Variants in PCDHGA8 observed in about 807,000 individuals in gnomAD.
PCDHGA8 encodes protocadherin gamma-A8.
In PCDHGA8, 45 loss-of-function variants were observed where a neutral mutation model predicts 59.2. The ratio of observed to expected loss-of-function variants is 0.76; its 90% CI spans 0.60 to 0.98. The LOEUF (loss-of-function observed/expected upper bound fraction) is 0.98, where lower values mean the gene tolerates loss of function less well. Ranked by LOEUF, PCDHGA8 falls within the 50% of genes least tolerant of loss-of-function variation. The pLI, the probability that PCDHGA8 is intolerant of heterozygous loss-of-function variation, is 0.00. For synonymous variants in PCDHGA8, 531 were observed against 519.0 expected, an observed-to-expected ratio of 1.02 and a Z score of -0.32; for missense variants, 1,257 against 1,196.2, an observed-to-expected ratio of 1.05 and a Z score of -0.75.
At chr5:141,496,808 G>A (rs1387209844) in intron 2 of PCDHGA8, among the ~76,000 whole-genome samples, 3 of 151,736 alleles carry the variant, frequency 2.0e-5, no homozygotes, top group South Asian at 4.2e-4. Flanking sequence ...GGCTATAGGA[G>A]TGAACAAGTA....
rs1001412632 is a variant in PCDHGA8, at chr5:141,493,097, A to G, written c.2425-1710A>G. On this transcript the variant is annotated intron_variant, in intron 1 of 3. Transcript: ENST00000398604. The surrounding 1 kb of genome is among the most constrained non-coding windows in gnomAD (Gnocchi z 4.3). ...AACTCCAGGAGCTTTTATTCAAAAT[A>G]TATCAATGCCTAACTCTGCTCCTAG... Among the ~76,000 whole-genome samples, 1 of 152,224 alleles carries G rather than the reference A, an allele frequency of 6.6e-6. No homozygotes were observed. The highest frequency in any genetic ancestry group is 2.4e-5 in the African/African-American group (1 of 41,456).
At chr5:141,427,450 CT>C in intron 1 of PCDHGA8, 1 of 486,442 alleles carries the variant, frequency 2.1e-6, no homozygotes, top group South Asian at 1.5e-5. Flanking sequence ...GAAAGAGTTC[CT>C]TTTAGAATCG....
intron 1 of PCDHGA8, among the ~76,000 whole-genome samples, chr5:141,479,789 T>C (rs888217885): frequency 3.3e-5 from 5 of 152,196 alleles, no homozygotes; most frequent in Non-Finnish European, 2.9e-5. Flanking sequence ...AAAGCATTCA[T>C]TAATTCAGGG....
Position 141,490,637 on chromosome 5 carries a change from A to C in PCDHGA8, c.2425-4170A>C. ...CTTTACACTGCTTACATCCTAGAAA[A>C]CCGGCCTCCGGGCTCCCTTCTTTGC... is the stretch of plus-strand genomic sequence containing the variant. On this transcript the variant is annotated intron_variant, in intron 1 of 3. Coordinates refer to ENST00000398604, the MANE Select transcript of PCDHGA8 (RefSeq NM_032088.2). This position sits in a 1 kb window ranked among gnomAD's most constrained non-coding sequence, Gnocchi z 5.4. 1 of 1,614,108 alleles carries C rather than the reference A, an allele frequency of 6.2e-7. No individual in the cohort carries two copies. Among genetic ancestry groups the C allele is most frequent in the Non-Finnish European group, 8.5e-7 (1 of 1,179,992 alleles).
At chr5:141,404,192 A>G in intron 1 of PCDHGA8, 1 of 1,613,574 alleles carries the variant, frequency 6.2e-7, no homozygotes. Flanking sequence ...TGACCGAGAA[A>G]AAGCCTCAGA....
In PCDHGA8 at chr5:141,420,182, C is replaced by G. The variant is rs375716662; in HGVS notation, c.2424+24945C>G. The G allele has an allele frequency of 3.7e-6, 6 of 1,613,694 alleles. No individual in the cohort carries two copies. In the African/African-American group the frequency reaches 8.0e-5, roughly 22 times the overall value. Reference sequence around the variant, plus strand: ...TTTTTTCACATCTGTTGATCATTGTCCAGCCACACAAGATAACCTCAACAA... The same window carrying G: ...TTTTTTCACATCTGTTGATCATTGTGCAGCCACACAAGATAACCTCAACAA... On this transcript the variant is annotated intron_variant, in intron 1 of 3. Transcript: ENST00000398604.
chr5:141,403,419 A>G, intron 1 of PCDHGA8: 1 of 1,614,050 alleles, frequency 6.2e-7, no homozygotes, highest in Non-Finnish European at 8.5e-7. Context: ...CCACTTCCAG[A>G]AGCTATTGAT....
intron 1 of PCDHGA8, chr5:141,409,471 A>T: frequency 6.2e-7 from 1 of 1,613,978 alleles, no homozygotes; most frequent in Non-Finnish European, 8.5e-7. Context: ...TCACCATCGT[A>T]GCCACTGACA....
chr5:141,432,706 C>T lies in PCDHGA8; in HGVS notation c.2424+37469C>T, dbSNP rs761752571. ...GCCTCGTAGTGGCCGTCCAGGACCA[C>T]GGCCAGCCCCCTCTCTCCGCCACTG... On this transcript the variant is annotated intron_variant, in intron 1 of 3. Transcript: ENST00000398604. The surrounding 1 kb of genome is among the most constrained non-coding windows in gnomAD (Gnocchi z 6.0). 10 of 1,613,870 alleles carry T rather than the reference C, an allele frequency of 6.2e-6. No homozygotes were observed. The East Asian group carries it at 1.1e-4, about 18-fold the overall frequency.
At chr5:141,508,806 C>T (rs1243735850) in intron 3 of PCDHGA8, among the ~76,000 whole-genome samples, 1 of 152,066 alleles carries the variant, frequency 6.6e-6, no homozygotes, top group African/African-American at 2.4e-5. Flanking sequence ...AATCCTGGCT[C>T]TTTGAAGCCA....
chr5:141,485,260 G>C lies in PCDHGA8; in HGVS notation c.2425-9547G>C. ...TTTACCACCTGGGTTACGTTTGTGG[G>C]CAGATCCGCTACCCGGTCCCAGAGG... is the stretch of plus-strand genomic sequence containing the variant. On this transcript the variant is annotated intron_variant, in intron 1 of 3. Transcript: ENST00000398604. The surrounding 1 kb of genome is among the most constrained non-coding windows in gnomAD (Gnocchi z 5.7). 1 of 1,614,122 alleles carries C rather than the reference G, an allele frequency of 6.2e-7. No homozygotes were observed. The highest frequency in any genetic ancestry group is 8.5e-7 in the Non-Finnish European group (1 of 1,179,966).
chr5:141,407,959 G>T, intron 1 of PCDHGA8: 1 of 668,062 alleles, frequency 1.5e-6, no homozygotes, highest in South Asian at 2.3e-5. Flanking sequence ...CCAGTGCAGA[G>T]CAAGCGCTGA....
At position 141,403,597 on chromosome 5, in the gene PCDHGA8, G is replaced by T. The variant is rs772486529; in HGVS notation, c.2424+8360G>T. On this transcript the variant is annotated intron_variant, in intron 1 of 3. Transcript: ENST00000398604. ...CCCACCACCTGGTCCTCACGGCCTC[G>T]GATGGCGGCGAGCCGCGTCGCTCCA... The T allele has an allele frequency of 1.3e-5, 21 of 1,613,692 alleles. No individual in the cohort carries two copies. The African/African-American group carries it at 2.5e-4, about 19-fold the overall frequency.
intron 1 of PCDHGA8, chr5:141,400,544 A>G (rs1436586530): frequency 6.2e-7 from 1 of 1,613,568 alleles, no homozygotes; most frequent in Non-Finnish European, 8.5e-7. Flanking sequence ...ATTTATGTCT[A>G]TTCTTTTTCA....
At chr5:141,498,793 T>C (rs2154592354) in intron 2 of PCDHGA8, among the ~76,000 whole-genome samples, 1 of 152,028 alleles carries the variant, frequency 6.6e-6, no homozygotes, top group Non-Finnish European at 1.5e-5. Context: ...ATTAGCCAGG[T>C]GTGGTGGTGC....
In PCDHGA8 at chr5:141,418,939, C is replaced by T. The variant is rs766248741; in HGVS notation, c.2424+23702C>T. The T allele has an allele frequency of 8.7e-6, 14 of 1,613,642 alleles. No individual in the cohort carries two copies. In the African/African-American group the frequency reaches 1.7e-4, roughly 20 times the overall value. On this transcript the variant is annotated intron_variant, in intron 1 of 3. Transcript: ENST00000398604. ...TCTCTGATCAGATTATGGAGGATTC[C>T]CCTCCAGGAGTGGTTGTTGCCCTCT...
intron 1 of PCDHGA8, chr5:141,441,118 G>C (rs1265461098): frequency 6.6e-6 from 1 of 152,212 alleles, no homozygotes; most frequent in Non-Finnish European, 1.5e-5. Flanking sequence ...CCAGTGTACA[G>C]TTGAGACCGA....
chr5:141,419,325 ACT>A (rs1329600066), intron 1 of PCDHGA8: 33 of 1,613,586 alleles, frequency 2.0e-5, no homozygotes, highest in Non-Finnish European at 2.6e-5. Flanking sequence ...CGTGTCTCCT[ACT>A]CTCTCATTGC....
rs771237283 is a variant in PCDHGA8 at position 141,393,380 on chromosome 5, C to T, written c.567C>T (p.Ala189=). The change falls in exon 1 of 4, where the codon GCC becomes GCT. Residue 189 remains alanine (A), a synonymous_variant. Transcript: ENST00000398604. The part of the protein sequence containing the change: ...SLDVQTGDNG[A]INPELVLERA... ...ACGTGCAGACTGGAGACAATGGAGC[C>T]ATAAACCCAGAGCTGGTGCTGGAGC... The T allele has an allele frequency of 6.2e-7, 1 of 1,613,988 alleles. No individual in the cohort carries two copies. Among genetic ancestry groups the T allele is most frequent in the South Asian group, 1.1e-5 (1 of 91,080 alleles).
Sources: allele counts gnomAD v4.1 joint callset (sites outside exome capture counted in the v4.1 genomes callset), GRCh38; gene constraint gnomAD v4.1.1; non-coding constraint Gnocchi (gnomAD v3.1); transcripts MANE v1.5; gene names NCBI Gene and HGNC (gene_info 2026-07-23, HGNC 2026-07-21).